BACH1: variants seen among roughly 807,000 people sequenced by gnomAD.
BACH1 encodes the protein BTB domain and CNC homolog 1, also known as transcription regulator protein BACH1.
In BACH1, 35 loss-of-function variants were observed where a neutral mutation model predicts 52.9. The observed-to-expected ratio is 0.66, with a 90% CI of 0.51 to 0.88. BACH1 has a LOEUF of 0.88. BACH1 is among the 40% of genes least tolerant of loss of function. The probability of loss-of-function intolerance (pLI) is 0.00; values close to 1 mark genes in which losing one functional copy is unlikely to be tolerated. For missense variants in BACH1, 808 were observed against 872.6 expected (o/e 0.93, Z 0.93); for synonymous variants, 321 against 319.6 (o/e 1.00, Z -0.05).
chr21:29,333,225 A>G (rs1244484082), intron 4 of BACH1, among the ~76,000 whole-genome samples: 2 of 152,246 alleles, frequency 1.3e-5, no homozygotes, highest in Non-Finnish European at 2.9e-5. Flanking sequence ...TTATTATGGT[A>G]AGAAGTTTAC....
intron 1 of BACH1, among the ~76,000 whole-genome samples, chr21:29,319,931 A>G (rs191490157): frequency 3.0e-4 from 46 of 152,170 alleles, no homozygotes; most frequent in African/African-American, 1.0e-3. Flanking sequence ...TGATAACTGA[A>G]GTATTAAGAC....
chr21:29,336,320 G>A (rs1384133240), intron 4 of BACH1, among the ~76,000 whole-genome samples: 1 of 152,192 alleles, frequency 6.6e-6, no homozygotes, highest in Non-Finnish European at 1.5e-5. Context: ...AGGAGACTGA[G>A]TTTAAACATT....
intron 4 of BACH1, among the ~76,000 whole-genome samples, chr21:29,337,587 TGATG>T (rs1343211707): frequency 1.3e-5 from 2 of 152,286 alleles, no homozygotes; most frequent in Admixed American, 1.3e-4. Flanking sequence ...TAACATGAAA[TGATG>T]GATAATGAAA....
At chr21:29,359,744 A>G (rs1055697060) in intron 2 of BACH1, among the ~76,000 whole-genome samples, 2 of 152,074 alleles carry the variant, frequency 1.3e-5, no homozygotes, top group Non-Finnish European at 2.9e-5. Context: ...CTCCCTCACA[A>G]TTTGCCCGTA....
At chr21:29,334,781 C>T (rs141559603) in intron 4 of BACH1, among the ~76,000 whole-genome samples, 5 of 152,252 alleles carry the variant, frequency 3.3e-5, no homozygotes, top group East Asian at 1.9e-4. Flanking sequence ...AGAAGTAAAA[C>T]GACCTCATCC....
intron 2 of BACH1, among the ~76,000 whole-genome samples, chr21:29,324,555 C>CT (rs978283285): frequency 5.5e-5 from 5 of 90,964 alleles, no homozygotes; most frequent in Non-Finnish European, 1.2e-4. Context: ...ATGGATGTAC[C>CT]TTGTGTGTGT....
At chr21:29,346,184 A>C (rs1366467076), downstream of BACH1, 2 of 152,090 alleles carry the variant, frequency 1.3e-5, no homozygotes, top group African/African-American at 4.8e-5. Flanking sequence ...TTCTCACTTC[A>C]TGTGGATTTA....
At chr21:29,351,933 G>A in intron 2 of BACH1, 1 of 333,532 alleles carries the variant, frequency 3.0e-6, no homozygotes, top group South Asian at 2.4e-5. Flanking sequence ...TGCACTTAAG[G>A]ACTAAAAGAA....
At chr21:29,346,323 T>G (rs2123482195), downstream of BACH1, among the ~76,000 whole-genome samples, 1 of 152,318 alleles carries the variant, frequency 6.6e-6, no homozygotes, top group African/African-American at 2.4e-5. Context: ...GAAGCACAGA[T>G]TTTAGCTTTG....
chr21:29,306,514 AGTACCGC>A (rs2088659688), intron 1 of BACH1, among the ~76,000 whole-genome samples: 1 of 152,168 alleles, frequency 6.6e-6, no homozygotes, highest in Non-Finnish European at 1.5e-5. Context: ...CAAGGGGAAT[AGTACCGC>A]TGTGATTGGC....
downstream of BACH1, among the ~76,000 whole-genome samples, chr21:29,349,254 C>T (rs927889609): frequency 7.2e-5 from 11 of 152,226 alleles, no homozygotes; most frequent in Non-Finnish European, 1.0e-4. Flanking sequence ...AGTGGCCTGG[C>T]GCTACCAGTT....
At chr21:29,331,646 T>A (rs1408954828) in intron 4 of BACH1, among the ~76,000 whole-genome samples, 2 of 152,128 alleles carry the variant, frequency 1.3e-5, no homozygotes, top group Non-Finnish European at 2.9e-5. Flanking sequence ...GATACAGTGG[T>A]TAAAATTGTG....
chr21:29,320,284 G>T (rs537368803), intron 1 of BACH1, among the ~76,000 whole-genome samples: 1 of 152,270 alleles, frequency 6.6e-6, no homozygotes, highest in African/African-American at 2.4e-5. Context: ...TCCGGCCGTA[G>T]GGTGCTGGAA....
At position 29,359,257 on chromosome 21, in the gene BACH1, A is replaced by G. The variant is rs2089256984; in HGVS notation, c.472+29564A>G. On this transcript the variant is annotated intron_variant, in intron 2 of 4. Transcript: ENST00000422809. ...TTTTATAATTTTTCCCTTAATCCTC[A>G]CAGTAAAATCAAATGTTTGACACAA... The G allele has an allele frequency of 2.6e-5, 4 of 151,824 alleles. No homozygotes were observed. In the South Asian group the frequency reaches 8.3e-4, roughly 32 times the overall value. The allele number at this position is 151,824 out of a possible 1,614,324, so 9.4% of individuals were successfully genotyped here.
At chr21:29,311,251 A>G (rs943308542) in intron 1 of BACH1, among the ~76,000 whole-genome samples, 1 of 152,132 alleles carries the variant, frequency 6.6e-6, no homozygotes, top group Non-Finnish European at 1.5e-5. Flanking sequence ...TTAGTTCAGA[A>G]TATTCTCTAT....
chr21:29,324,192 G>A (rs368401546), intron 2 of BACH1, among the ~76,000 whole-genome samples: 44 of 146,388 alleles, frequency 3.0e-4, no homozygotes, highest in Non-Finnish European at 5.2e-4. Flanking sequence ...AGATCGTGCC[G>A]CTGCACTCTA....
At chr21:29,350,251 C>G (rs1053658289), downstream of BACH1, among the ~76,000 whole-genome samples, 1 of 152,204 alleles carries the variant, frequency 6.6e-6, no homozygotes, top group Non-Finnish European at 1.5e-5. Flanking sequence ...TCTTACTACC[C>G]AAACTCTGCT....
intron 2 of BACH1, among the ~76,000 whole-genome samples, chr21:29,322,964 C>T (rs911064317): frequency 2.0e-5 from 3 of 152,210 alleles, no homozygotes; most frequent in Middle Eastern, 3.4e-3. Context: ...AAGTTTGATT[C>T]GTGGATTTAG....
At chr21:29,315,844 T>C (rs1012089818) in intron 1 of BACH1, among the ~76,000 whole-genome samples, 9 of 152,208 alleles carry the variant, frequency 5.9e-5, no homozygotes, top group African/African-American at 2.2e-4. Flanking sequence ...TTTGAACATA[T>C]CTAGGTTATG....
Sources: gnomAD v4.1 joint callset for allele counts (sites outside exome capture counted in the v4.1 genomes callset) on GRCh38, gnomAD v4.1.1 for gene constraint, MANE v1.5 for transcripts, NCBI Gene and HGNC (gene_info 2026-07-23, HGNC 2026-07-21) for gene names.